The following TTLL5 variants were observed in gnomAD, a reference collection of about 807,000 sequenced individuals.
The protein encoded by TTLL5 is tubulin tyrosine ligase like 5.
In TTLL5, 132 loss-of-function variants were observed where a neutral mutation model predicts 168.4. The observed-to-expected ratio is 0.78, with a 90% CI of 0.68 to 0.91. The LOEUF (loss-of-function observed/expected upper bound fraction) is 0.91. Among genes scored for constraint, TTLL5 ranks in the 40% least tolerant of loss-of-function variants. The pLI is 0.00. For missense variants in TTLL5, 1,545 were observed against 1,581.5 expected (o/e 0.98, Z 0.39); for synonymous variants, 546 against 558.6 (o/e 0.98, Z 0.32).
chr14:75,896,803 A>G (rs77586395), intron 30 of TTLL5, among the ~76,000 whole-genome samples: 1 of 152,176 alleles, frequency 6.6e-6, no homozygotes, highest in South Asian at 2.1e-4. Context: ...ATCCACGAAA[A>G]ACATGTCAGA....
intron 27 of TTLL5, among the ~76,000 whole-genome samples, chr14:75,806,894 A>G (rs776350997): frequency 6.6e-6 from 1 of 152,226 alleles, no homozygotes; most frequent in Non-Finnish European, 1.5e-5. Flanking sequence ...TGAATAAATA[A>G]GTAAATGAAG....
intron 27 of TTLL5, among the ~76,000 whole-genome samples, chr14:75,815,819 CT>C (rs1242533341): frequency 1.3e-5 from 2 of 152,194 alleles, no homozygotes; most frequent in African/African-American, 4.8e-5. Flanking sequence ...GAGCAAATTG[CT>C]TATCATAACC....
At chr14:75,732,673 T>C (rs1485053827) in intron 13 of TTLL5, among the ~76,000 whole-genome samples, 2 of 152,214 alleles carry the variant, frequency 1.3e-5, no homozygotes, top group African/African-American at 2.4e-5. Flanking sequence ...GGGATGATTC[T>C]TGCATTCAGT....
In TTLL5 at chr14:75,792,906, GT is replaced by G; in HGVS notation, c.2987-6del. 1.2e-5 allele frequency: 18 copies of G among 1,546,574 alleles called. No individual in the cohort carries two copies. The highest frequency in any genetic ancestry group is 1.6e-5 in the Non-Finnish European group (18 of 1,140,060). Reference sequence around the variant, plus strand: ...CCTAAATGAGTGAAAACTTTTCTCCGTTTTAGCAGGATCGTGCTATCTAAAC... The same window carrying G: ...CCTAAATGAGTGAAAACTTTTCTCCGTTTAGCAGGATCGTGCTATCTAAAC... On this transcript the variant is annotated splice_polypyrimidine_tract_variant and intron_variant, in intron 26 of 31. Coordinates refer to ENST00000298832, the MANE Select transcript of TTLL5 (RefSeq NM_015072.5).
intron 11 of TTLL5, 109 bp downstream of exon 11, chr14:75,719,935 A>G (rs1887736021): frequency 8.5e-7 from 1 of 1,178,644 alleles, no homozygotes; most frequent in Non-Finnish European, 1.2e-6. Flanking sequence ...CTGAGACGGG[A>G]TGATTGTCCT....
chr14:75,770,476 T>C (rs1891239040), intron 20 of TTLL5, among the ~76,000 whole-genome samples: 1 of 152,164 alleles, frequency 6.6e-6, no homozygotes, highest in Non-Finnish European at 1.5e-5. Flanking sequence ...CATTCAGTGA[T>C]TGCATTTGTG....
chr14:75,780,827 T>C (rs1892004323), intron 24 of TTLL5, among the ~76,000 whole-genome samples: 1 of 152,188 alleles, frequency 6.6e-6, no homozygotes, highest in African/African-American at 2.4e-5. Flanking sequence ...TTTCTTTGAG[T>C]TTTTCTAACT....
At chr14:75,931,507 A>G (rs2034276062) in intron 31 of TTLL5, among the ~76,000 whole-genome samples, 1 of 152,204 alleles carries the variant, frequency 6.6e-6, no homozygotes, top group South Asian at 2.1e-4. Context: ...TTCTGTTTGA[A>G]TTACTACAGT....
intron 7 of TTLL5, among the ~76,000 whole-genome samples, chr14:75,701,693 C>T (rs1011356667): frequency 3.9e-5 from 6 of 152,152 alleles, no homozygotes; most frequent in Non-Finnish European, 8.8e-5. Flanking sequence ...GATTTCTGCA[C>T]CCACACGTCT....
chr14:75,722,560 A>G (rs1188189581), intron 12 of TTLL5, among the ~76,000 whole-genome samples: 2 of 152,130 alleles, frequency 1.3e-5, no homozygotes, highest in Admixed American at 6.6e-5. Context: ...TTGAATTCAT[A>G]ACAGCCAGTG....
chr14:75,735,330 T>G, intron 15 of TTLL5, 41 bp downstream of exon 15: 18 of 1,595,498 alleles, frequency 1.1e-5, no homozygotes, highest in Non-Finnish European at 1.5e-5. Flanking sequence ...GGAGGCTTAC[T>G]GGGAAGTGGC....
At chr14:75,778,504 T>G (rs1338808978) in intron 23 of TTLL5, among the ~76,000 whole-genome samples, 1 of 152,208 alleles carries the variant, frequency 6.6e-6, no homozygotes, top group Non-Finnish European at 1.5e-5. Context: ...AGATCTTTGA[T>G]AGTCACTTGA....
intron 28 of TTLL5, among the ~76,000 whole-genome samples, chr14:75,844,817 G>A (rs527900578): frequency 1.5e-4 from 23 of 152,208 alleles, no homozygotes; most frequent in Admixed American, 1.4e-3. Context: ...TTCATCATAA[G>A]TGCATGAATG....
intron 21 of TTLL5, among the ~76,000 whole-genome samples, chr14:75,774,222 A>C (rs1274905803): frequency 1.3e-5 from 2 of 152,114 alleles, no homozygotes; most frequent in Admixed American, 6.5e-5. Context: ...TGGCCTTATA[A>C]AATCTCTCTT....
chr14:75,858,036 A>G (rs1897222761), intron 28 of TTLL5, among the ~76,000 whole-genome samples: 1 of 152,178 alleles, frequency 6.6e-6, no homozygotes. Flanking sequence ...TTGATTACAA[A>G]TTAAATTTTT....
At chr14:75,884,857 T>C (rs1349594105) in intron 30 of TTLL5, among the ~76,000 whole-genome samples, 2 of 150,738 alleles carry the variant, frequency 1.3e-5, no homozygotes, top group Non-Finnish European at 3.0e-5. Context: ...CTATGAAGTA[T>C]CCTGATAAAG....
chr14:75,858,504 A>G (rs770375417), intron 28 of TTLL5, among the ~76,000 whole-genome samples: 2 of 152,224 alleles, frequency 1.3e-5, no homozygotes, highest in African/African-American at 4.8e-5. Context: ...GTCTCAAGGA[A>G]AGGCATTTGT....
chr14:75,798,021 G>T (rs146073291), intron 27 of TTLL5, among the ~76,000 whole-genome samples: 1 of 151,800 alleles, frequency 6.6e-6, no homozygotes, highest in Admixed American at 6.6e-5. Flanking sequence ...AATAAGATTC[G>T]TCTAATTCTT....
intron 29 of TTLL5, among the ~76,000 whole-genome samples, chr14:75,871,194 G>C (rs1260438781): frequency 6.6e-6 from 1 of 152,176 alleles, no homozygotes; most frequent in Non-Finnish European, 1.5e-5. Flanking sequence ...AGTAGCATAA[G>C]TACCCTGGTT....
Sources: gnomAD v4.1 joint callset for allele counts (sites outside exome capture counted in the v4.1 genomes callset) on GRCh38, gnomAD v4.1.1 for gene constraint, MANE v1.5 for transcripts, NCBI Gene and HGNC (gene_info 2026-07-23, HGNC 2026-07-21) for gene names.